MED28: variants seen among roughly 807,000 people sequenced by gnomAD.
MED28 encodes mediator complex subunit 28.
In MED28, 26 loss-of-function variants were observed where a neutral mutation model predicts 21.3. The ratio of observed to expected loss-of-function variants is 1.22; its 90% CI spans 0.89 to 1.69. MED28 has a LOEUF of 1.69. MED28 is among the 40% of genes most tolerant of loss of function. The pLI is 0.00. For missense variants in MED28, 257 were observed against 215.4 expected, an observed-to-expected ratio of 1.19 and a Z score of -1.21; for synonymous variants, 110 against 87.6, an observed-to-expected ratio of 1.26 and a Z score of -1.43.
rs985640559 is a variant in MED28, at chr4:17,628,001, C to T, written c.*4203C>T. 1 of 152,146 alleles carries T rather than the reference C, an allele frequency of 6.6e-6. No individual in the cohort carries two copies. Among genetic ancestry groups the T allele is most frequent in the African/African-American group, 2.4e-5 (1 of 41,402 alleles). 9.4% of individuals were successfully genotyped at this position (152,146 alleles called of 1,614,324 possible). ...TCTGTTTCCTCTCCCCTTTCTCTAA[C>T]ATAGGTGTTTCTCCTGAGAAAGAAA... On this transcript the variant is annotated 3_prime_UTR_variant, in exon 4 of 4. Transcript: ENST00000237380.
intron 2 of MED28, 28 bp downstream of exon 2, chr4:17,619,995 T>C: frequency 6.3e-7 from 1 of 1,599,478 alleles, no homozygotes; most frequent in Non-Finnish European, 8.6e-7. Flanking sequence ...GTACACAATG[T>C]TCTGGGCTTC....
At position 17,632,794 on chromosome 4, in the gene MED28, G is replaced by A. The variant is rs1348351401; in HGVS notation, c.*8996G>A. Reference sequence around the variant, plus strand: ...AAACAAATTGTAAAGGATGGGGCTGGGGAGGGAGTACCTAATCCTCATTTG... The same window carrying A: ...AAACAAATTGTAAAGGATGGGGCTGAGGAGGGAGTACCTAATCCTCATTTG... On this transcript the variant is annotated 3_prime_UTR_variant, in exon 4 of 4. Transcript: ENST00000237380. 3 of 540,040 alleles carry A rather than the reference G, an allele frequency of 5.6e-6. No homozygotes were observed. Among genetic ancestry groups the A allele is most frequent in the African/African-American group, 1.9e-5 (1 of 52,714 alleles). The allele number at this position is 540,040 out of a possible 1,614,324, so 33.5% of individuals were successfully genotyped here.
rs1340129831 is a variant in MED28, at chr4:17,630,156, G to A, written c.*6358G>A. ...CTGAGTTTAAGGACAGAAATGCAAA[G>A]TGCAGCCTGGGAAAGTGTTTCAACA... is the stretch of plus-strand genomic sequence containing the variant. On this transcript the variant is annotated 3_prime_UTR_variant, in exon 4 of 4. Transcript: ENST00000237380. 1 of 152,182 alleles carries A rather than the reference G, an allele frequency of 6.6e-6. No homozygotes were observed. The highest frequency in any genetic ancestry group is 1.9e-4 in the East Asian group (1 of 5,194). The allele number at this position is 152,182 out of a possible 1,614,324, so 9.4% of individuals were successfully genotyped here.
chr4:17,617,993 TTTTTTTTTTCTTTTCTTTTC>T (rs1203290801), intron 1 of MED28, among the ~76,000 whole-genome samples: 8 of 143,524 alleles, frequency 5.6e-5, no homozygotes, highest in African/African-American at 2.1e-4. Flanking sequence ...CCTGTGTATC[TTTTTTTTTTCTTTTCTTTTC>T]TTTTTTTTTT....
chr4:17,624,097 A>G lies in MED28; in HGVS notation c.*299A>G, dbSNP rs1714711352. The G allele has an allele frequency of 2.7e-6, 1 of 367,112 alleles. No homozygotes were observed. Among genetic ancestry groups the G allele is most frequent in the Non-Finnish European group, 5.0e-6 (1 of 198,752 alleles). The allele number at this position is 367,112 out of a possible 1,614,324, so 22.7% of individuals were successfully genotyped here. ...TTTATGGTGGCTTTGCTTGTTTTAA[A>G]TTTTTGCATGACTTTTCATCTTTTT... On this transcript the variant is annotated 3_prime_UTR_variant, in exon 4 of 4. Transcript: ENST00000237380.
At chr4:17,617,077 G>T (rs1714474304) in intron 1 of MED28, among the ~76,000 whole-genome samples, 1 of 152,190 alleles carries the variant, frequency 6.6e-6, no homozygotes, top group African/African-American at 2.4e-5. Context: ...TATAGGTGTG[G>T]ACATCAAAGA....
intron 1 of MED28, among the ~76,000 whole-genome samples, chr4:17,616,165 C>T (rs1384967686): frequency 5.3e-5 from 8 of 152,164 alleles, no homozygotes; most frequent in African/African-American, 9.7e-5. Context: ...CTATCTTGGC[C>T]AGGCTGGTCT....
rs1193767353 is a variant in MED28 at position 17,624,293 on chromosome 4, A to G, written c.*495A>G. On this transcript the variant is annotated 3_prime_UTR_variant, in exon 4 of 4. Transcript: ENST00000237380. ...TGAACTACCTCAAGAAGAGGAATCT[A>G]ATACAATATTTGTAATGTTTCCAGA... The G allele has an allele frequency of 6.2e-6, 1 of 162,162 alleles. No homozygotes were observed. Among genetic ancestry groups the G allele is most frequent in the Non-Finnish European group, 1.4e-5 (1 of 73,206 alleles). 10.0% of individuals were successfully genotyped at this position (162,162 alleles called of 1,614,324 possible).
chr4:17,617,705 G>C (rs1235818261), intron 1 of MED28, among the ~76,000 whole-genome samples: 1 of 152,080 alleles, frequency 6.6e-6, no homozygotes, highest in African/African-American at 2.4e-5. Flanking sequence ...TCACGAGTTC[G>C]AGACCATCCT....
In MED28 at chr4:17,632,470, A is replaced by G. The variant is rs1224718406; in HGVS notation, c.*8672A>G. ...TTGGTTGGTGTTAGTTCATTCCTTC[A>G]ATCGGATGATTTAAAATAAATGTTT... On this transcript the variant is annotated 3_prime_UTR_variant, in exon 4 of 4. Coordinates refer to ENST00000237380, the MANE Select transcript of MED28 (RefSeq NM_025205.5). 7.4e-7 allele frequency: 1 copy of G among 1,347,556 alleles called. No individual in the cohort carries two copies. Among genetic ancestry groups the G allele is most frequent in the Admixed American group, 2.2e-5 (1 of 44,540 alleles). 83.5% of individuals were successfully genotyped at this position (1,347,556 alleles called of 1,614,324 possible).
chr4:17,621,606 G>A lies in MED28; in HGVS notation c.246G>A (p.Gln82=), dbSNP rs1176911314. ...EIRTGVDQCI[Q]KFLDIARQTE... ...TTTAAGGTGTTGATCAGTGTATCCA[G>A]AAGTTTCTGGATATTGCAAGACAGA... Residue 82 remains glutamine, a synonymous_variant, in exon 3 of 4, where the codon CAG becomes CAA. Coordinates refer to ENST00000237380, the MANE Select transcript of MED28 (RefSeq NM_025205.5). 1.9e-6 allele frequency: 3 copies of A among 1,603,678 alleles called. No individual in the cohort carries two copies. The highest frequency in any genetic ancestry group is 2.5e-6 in the Non-Finnish European group (3 of 1,176,960).
In MED28 at chr4:17,619,881, C is replaced by G; in HGVS notation, c.160-20C>G. On this transcript the variant is annotated intron_variant, in intron 1 of 3. Coordinates refer to ENST00000237380, the MANE Select transcript of MED28 (RefSeq NM_025205.5). Reference sequence around the variant, plus strand: ...ATGTATAAATGATATTTTTTTCTTTCCTATGTTTTGATTACACAGGCTTGC... The same window carrying G: ...ATGTATAAATGATATTTTTTTCTTTGCTATGTTTTGATTACACAGGCTTGC... 1.2e-6 allele frequency: 2 copies of G among 1,610,004 alleles called. No individual in the cohort carries two copies. The highest frequency in any genetic ancestry group is 1.7e-6 in the Non-Finnish European group (2 of 1,176,950).
At chr4:17,616,177 G>A (rs1277899741) in intron 1 of MED28, among the ~76,000 whole-genome samples, 2 of 152,046 alleles carry the variant, frequency 1.3e-5, no homozygotes, top group Admixed American at 6.5e-5. Flanking sequence ...GGCTGGTCTC[G>A]AACTCCTGAC....
rs766459004 is a variant in MED28 at position 17,619,963 on chromosome 4, A to T, written c.222A>T (p.Arg74=). 1 of 1,613,944 alleles carries T rather than the reference A, an allele frequency of 6.2e-7. No individual in the cohort carries two copies. Among genetic ancestry groups the T allele is most frequent in the Non-Finnish European group, 8.5e-7 (1 of 1,179,814 alleles). Reference sequence around the variant, plus strand: ...ATGGCACCGATCAGGAAGAAATTCGAACCGGTAAGCATTCCCTCTGTGTAC... The same window carrying T: ...ATGGCACCGATCAGGAAGAAATTCGTACCGGTAAGCATTCCCTCTGTGTAC... The part of the protein sequence containing the change: ...YVNGTDQEEI[R]TGVDQCIQKF... The change falls in exon 2 of 4, where the codon CGA becomes CGT. Residue 74 remains arginine (R), a synonymous_variant. Coordinates refer to ENST00000237380, the MANE Select transcript of MED28 (RefSeq NM_025205.5).
At chr4:17,621,872 G>A (rs1714646085) in intron 3 of MED28, among the ~76,000 whole-genome samples, 173 bp downstream of exon 3, 1 of 152,228 alleles carries the variant, frequency 6.6e-6, no homozygotes. Flanking sequence ...AAGAAGTAAA[G>A]CCAAGGAGTG....
rs115197950 is a variant in MED28 at position 17,620,038 on chromosome 4, C to A, written c.226+71C>A. The A allele has an allele frequency of 3.4e-4, 461 of 1,346,606 alleles. 3 individuals carry two copies. In the African/African-American group the frequency reaches 6.1e-3, roughly 18 times the overall value. The allele number at this position is 1,346,606 out of a possible 1,614,324, so 83.4% of individuals were successfully genotyped here. A position where few individuals can be genotyped will look rare whatever the true frequency, so the allele number is the denominator to read the frequency against. On this transcript the variant is annotated intron_variant, in intron 2 of 3. Coordinates refer to ENST00000237380, the MANE Select transcript of MED28 (RefSeq NM_025205.5). ...TTTCCTAGTTGCTAATTTTATACTT[C>A]ATGTGTTTCAGTCCTGCTTTTATCC...
chr4:17,619,764 G>C (rs762910238), intron 1 of MED28, 137 bp from the exon 2 acceptor site: 7 of 700,532 alleles, frequency 1.0e-5, no homozygotes, highest in South Asian at 1.7e-5. Flanking sequence ...CATTGGCATG[G>C]TGTCTTGCCA....
intron 1 of MED28, among the ~76,000 whole-genome samples, chr4:17,617,660 A>G (rs1398175441): frequency 6.6e-6 from 1 of 152,108 alleles, no homozygotes; most frequent in East Asian, 1.9e-4. Context: ...TAATCCCAGC[A>G]CTTTGGGAGG....
At position 17,630,773 on chromosome 4, in the gene MED28, A is replaced by C. The variant is rs1301508873; in HGVS notation, c.*6975A>C. On this transcript the variant is annotated 3_prime_UTR_variant, in exon 4 of 4. Coordinates refer to ENST00000237380, the MANE Select transcript of MED28 (RefSeq NM_025205.5). ...ATACGTAAGTTTGACAGTTATATGTAATCAGCTTTTTTTTTTTTAAGATGG... is the reference window on the plus strand; with the variant it reads ...ATACGTAAGTTTGACAGTTATATGTCATCAGCTTTTTTTTTTTTAAGATGG... 8.7e-6 allele frequency: 1 copy of C among 114,338 alleles called. No individual in the cohort carries two copies. Among genetic ancestry groups the C allele is most frequent in the Non-Finnish European group, 1.9e-5 (1 of 51,506 alleles). The allele number at this position is 114,338 out of a possible 1,614,324, so 7.1% of individuals were successfully genotyped here.
Sources: gnomAD v4.1 joint callset for allele counts (sites outside exome capture counted in the v4.1 genomes callset) on GRCh38, gnomAD v4.1.1 for gene constraint, MANE v1.5 for transcripts, NCBI Gene and HGNC (gene_info 2026-07-23, HGNC 2026-07-21) for gene names.